Variants in THSD4 observed in about 807,000 individuals in gnomAD.
The protein encoded by THSD4 is thrombospondin type 1 domain containing 4.
Under a neutral mutation model 119.0 loss-of-function variants are expected in THSD4, and 69 were observed. The ratio of observed to expected loss-of-function variants is 0.58; its 90% CI spans 0.48 to 0.71. The LOEUF (loss-of-function observed/expected upper bound fraction) is 0.71, where lower values mean the gene tolerates loss of function less well. Among genes scored for constraint, THSD4 ranks in the 30% least tolerant of loss-of-function variants. The pLI is 0.00. For synonymous variants in THSD4, 524 were observed against 540.4 expected, an observed-to-expected ratio of 0.97 and a Z score of 0.42; for missense variants, 1,393 against 1,391.1, an observed-to-expected ratio of 1.00 and a Z score of -0.02.
intron 7 of THSD4, among the ~76,000 whole-genome samples, chr15:71,428,152 C>T (rs933711857): frequency 5.3e-5 from 8 of 152,190 alleles, no homozygotes; most frequent in Admixed American, 4.6e-4. Flanking sequence ...CCATCCCTGA[C>T]CCTAAGCACA....
At chr15:71,721,750 T>C (rs1426493011) in intron 8 of THSD4, among the ~76,000 whole-genome samples, 1 of 151,830 alleles carries the variant, frequency 6.6e-6, no homozygotes, top group Non-Finnish European at 1.5e-5. Flanking sequence ...GCTCTTGTTA[T>C]ATGAATCTTG....
At chr15:71,468,419 A>AT (rs2140633775) in intron 7 of THSD4, among the ~76,000 whole-genome samples, 2 of 152,284 alleles carry the variant, frequency 1.3e-5, no homozygotes, top group African/African-American at 4.8e-5. Flanking sequence ...AATATTTAAT[A>AT]TGCTCATATG....
chr15:71,598,347 A>G (rs2049944135), intron 7 of THSD4, among the ~76,000 whole-genome samples: 1 of 152,112 alleles, frequency 6.6e-6, no homozygotes, highest in Admixed American at 6.5e-5. Flanking sequence ...GTCAAACGGG[A>G]CACATCCCTG....
At chr15:71,217,539 C>G (rs545519413) in intron 4 of THSD4, among the ~76,000 whole-genome samples, 7 of 151,512 alleles carry the variant, frequency 4.6e-5, no homozygotes, top group African/African-American at 1.7e-4. Context: ...AGGAGAATGG[C>G]GTGAACCCGG....
chr15:71,712,158 G>A (rs1299142605), intron 8 of THSD4, among the ~76,000 whole-genome samples: 2 of 152,028 alleles, frequency 1.3e-5, no homozygotes, highest in African/African-American at 2.4e-5. Flanking sequence ...TATAAACATC[G>A]CTTTTCTCAT....
At chr15:71,744,964 G>GT (rs1310777124) in intron 11 of THSD4, 142 bp from the exon 12 acceptor site, 1 of 1,032,494 alleles carries the variant, frequency 9.7e-7, no homozygotes, top group Non-Finnish European at 1.4e-6. Context: ...AAGGGGGAGC[G>GT]TAAGTGTGCA....
chr15:71,378,430 A>G (rs763857158), intron 6 of THSD4, among the ~76,000 whole-genome samples: 5 of 152,172 alleles, frequency 3.3e-5, no homozygotes, highest in African/African-American at 7.2e-5. Context: ...GCACTGGTTG[A>G]TTCATTCTAA....
intron 6 of THSD4, among the ~76,000 whole-genome samples, chr15:71,297,774 C>G (rs530920871): frequency 4.1e-4 from 62 of 152,248 alleles, no homozygotes; most frequent in Non-Finnish European, 7.2e-4. Flanking sequence ...GCACCCTGCT[C>G]TTTTGCCTAT....
rs908168197 is a variant in THSD4 at position 71,161,326 on chromosome 15, G to A, written c.99+6394G>A. Among the ~76,000 whole-genome samples the A allele has an allele frequency of 2.0e-5, 3 of 152,148 alleles. No individual in the cohort carries two copies. The East Asian group carries it at 5.8e-4, about 29-fold the overall frequency. ...TGTTGATTGTCTGTCTAGGTGATCTGTCTGTTGTTGAAAGTGGGGTGTTGA... is the reference window on the plus strand; with the variant it reads ...TGTTGATTGTCTGTCTAGGTGATCTATCTGTTGTTGAAAGTGGGGTGTTGA... On this transcript the variant is annotated intron_variant, in intron 3 of 17. Transcript: ENST00000261862.
At chr15:71,584,175 G>C (rs1295631175) in intron 7 of THSD4, among the ~76,000 whole-genome samples, 1 of 147,738 alleles carries the variant, frequency 6.8e-6, no homozygotes, top group Non-Finnish European at 1.5e-5. Flanking sequence ...TGTCTCTTTT[G>C]ACTGTTCCTG....
chr15:71,119,126 C>T (rs1347654691), intron 1 of THSD4, among the ~76,000 whole-genome samples: 2 of 152,190 alleles, frequency 1.3e-5, no homozygotes, highest in Non-Finnish European at 2.9e-5. Flanking sequence ...CAGCATCTGC[C>T]TTGTACAGGA....
chr15:71,449,034 C>T (rs2047228356), intron 7 of THSD4, among the ~76,000 whole-genome samples: 1 of 152,156 alleles, frequency 6.6e-6, no homozygotes, highest in South Asian at 2.1e-4. Context: ...GTGGGCAAAC[C>T]AGAAAATGGA....
intron 3 of THSD4, among the ~76,000 whole-genome samples, chr15:71,168,847 G>GA (rs987813635): frequency 1.3e-5 from 2 of 152,044 alleles, no homozygotes; most frequent in Non-Finnish European, 2.9e-5. Context: ...AAGAAGAAAG[G>GA]AAAAAACAGT....
intron 6 of THSD4, among the ~76,000 whole-genome samples, chr15:71,352,357 G>A (rs555460693): frequency 1.3e-5 from 2 of 152,306 alleles, no homozygotes; most frequent in South Asian, 4.1e-4. Flanking sequence ...AGCCCTGACG[G>A]TTGCCAGCCA....
rs1767406833 is a variant in THSD4 at position 71,612,540 on chromosome 15, GCTGACA to G, written c.1153-47988_1153-47983del. Among the ~76,000 whole-genome samples the G allele has an allele frequency of 3.9e-5, 6 of 152,304 alleles. No homozygotes were observed. The East Asian group carries it at 1.2e-3, about 29-fold the overall frequency. ...CTAACACTGTTAGGCTGTTTTCTGGGCTGACACCCATGAAAGGGATGGGTTCCGTGC... is the reference window on the plus strand; with the variant it reads ...CTAACACTGTTAGGCTGTTTTCTGGGCCCATGAAAGGGATGGGTTCCGTGC... On this transcript the variant is annotated intron_variant, in intron 7 of 17. Transcript: ENST00000261862.
chr15:71,643,945 C>T (rs1218196371), intron 7 of THSD4, among the ~76,000 whole-genome samples: 6 of 152,146 alleles, frequency 3.9e-5, no homozygotes, highest in South Asian at 4.1e-4. Flanking sequence ...GTGTGTTACA[C>T]GTAGGCGTAT....
intron 11 of THSD4, among the ~76,000 whole-genome samples, chr15:71,743,567 A>G (rs985537751): frequency 1.3e-5 from 2 of 151,448 alleles, no homozygotes; most frequent in Non-Finnish European, 2.9e-5. Context: ...TAATTCCACA[A>G]AAGTTCTTTG....
At chr15:71,240,884 C>T (rs1249084207) in intron 4 of THSD4, among the ~76,000 whole-genome samples, 1 of 151,602 alleles carries the variant, frequency 6.6e-6, no homozygotes, top group East Asian at 1.9e-4. Flanking sequence ...TCTCTTAAAA[C>T]CCCCATCGTT....
intron 8 of THSD4, among the ~76,000 whole-genome samples, chr15:71,726,379 T>A (rs1354474501): frequency 6.6e-6 from 1 of 152,190 alleles, no homozygotes; most frequent in Non-Finnish European, 1.5e-5. Flanking sequence ...AAAATGAGTT[T>A]AAGAAAAAGT....
Sources: allele counts gnomAD v4.1 joint callset (sites outside exome capture counted in the v4.1 genomes callset), GRCh38; gene constraint gnomAD v4.1.1; transcripts MANE v1.5; gene names NCBI Gene and HGNC (gene_info 2026-07-23, HGNC 2026-07-21).